DCUN1D4: variants seen among roughly 807,000 people sequenced by gnomAD.
DCUN1D4 encodes DCN1-like protein 4.
A neutral mutation model predicts 47.9 loss-of-function variants in DCUN1D4; 22 were observed. The observed-to-expected ratio is 0.46, with a 90% CI of 0.33 to 0.66. DCUN1D4 has a LOEUF of 0.66. DCUN1D4 is among the 30% of genes least tolerant of loss of function. The pLI, the probability that DCUN1D4 is intolerant of heterozygous loss-of-function variation, is 0.02. For missense variants in DCUN1D4, 301 were observed against 340.8 expected (o/e 0.88, Z 0.92); for synonymous variants, 121 against 112.2 (o/e 1.08, Z -0.50).
chr4:51,848,359 C>A, intron 1 of DCUN1D4: 1 of 1,258,842 alleles, frequency 7.9e-7, no homozygotes, highest in Non-Finnish European at 1.0e-6. Flanking sequence ...GTTAAGGCAG[C>A]ATTAACAGGT....
At chr4:51,903,191 A>G (rs1732377918) in intron 8 of DCUN1D4, among the ~76,000 whole-genome samples, 1 of 151,962 alleles carries the variant, frequency 6.6e-6, no homozygotes, top group African/African-American at 2.4e-5. Flanking sequence ...CTGCCTAAAA[A>G]ACTTTCTTTA....
At chr4:51,877,893 G>A (rs1386520452) in intron 5 of DCUN1D4, 39 bp downstream of exon 5, 2 of 1,312,610 alleles carry the variant, frequency 1.5e-6, no homozygotes. Flanking sequence ...TGATCCTTAT[G>A]ACAATAAGGA....
At chr4:51,841,734 A>C (rs1721666990), upstream of DCUN1D4, among the ~76,000 whole-genome samples, 1 of 152,104 alleles carries the variant, frequency 6.6e-6, no homozygotes, top group African/African-American at 2.4e-5. Context: ...GGTTTGTCTG[A>C]GCCCCTTCCA....
intron 1 of DCUN1D4, 28 bp downstream of exon 1, chr4:51,843,295 C>A: frequency 6.6e-7 from 1 of 1,513,560 alleles, no homozygotes; most frequent in East Asian, 2.7e-5. Context: ...AGCCAGCGGG[C>A]CGGGGCCGGG....
At chr4:51,897,553 A>G (rs1560508641) in intron 7 of DCUN1D4, among the ~76,000 whole-genome samples, 2 of 152,078 alleles carry the variant, frequency 1.3e-5, no homozygotes, top group Non-Finnish European at 2.9e-5. Flanking sequence ...TAAGGGCTAG[A>G]TATTGCAAAC....
chr4:51,844,444 C>A, intron 1 of DCUN1D4: 1 of 977,108 alleles, frequency 1.0e-6, no homozygotes. Context: ...GGAGGCGGGG[C>A]AGGGGTGCGG....
intron 5 of DCUN1D4, among the ~76,000 whole-genome samples, chr4:51,885,574 G>T (rs1729348002): frequency 6.6e-6 from 1 of 152,176 alleles, no homozygotes; most frequent in African/African-American, 2.4e-5. Flanking sequence ...TAAACAGGAG[G>T]TGGAGCAGCT....
chr4:51,905,143 G>A (rs147541644), intron 8 of DCUN1D4: 22 of 451,136 alleles, frequency 4.9e-5, no homozygotes, highest in African/African-American at 4.0e-4. Context: ...CTATAAAGTT[G>A]TGTTATTTTT....
intron 8 of DCUN1D4, chr4:51,905,075 G>A (rs1732673184): frequency 2.1e-5 from 8 of 377,154 alleles, no homozygotes; most frequent in Admixed American, 2.1e-4. Context: ...AGCCCCAAGG[G>A]GCTGATCATT....
At chr4:51,872,943 A>T (rs181145166) in intron 3 of DCUN1D4, among the ~76,000 whole-genome samples, 8 of 152,218 alleles carry the variant, frequency 5.3e-5, no homozygotes, top group African/African-American at 1.9e-4. Flanking sequence ...CCCGAACACA[A>T]CACTTGGCAC....
upstream of DCUN1D4, chr4:51,842,948 C>A (rs1363603923): frequency 4.6e-6 from 4 of 863,022 alleles, no homozygotes; most frequent in African/African-American, 5.3e-5. Flanking sequence ...CGGAGCATGG[C>A]CTCCGCCAGG....
intron 3 of DCUN1D4, among the ~76,000 whole-genome samples, chr4:51,872,906 G>A (rs1281339245): frequency 5.9e-5 from 9 of 152,204 alleles, no homozygotes; most frequent in South Asian, 4.1e-4. Context: ...GATGCTGCTC[G>A]GAACCAATGT....
chr4:51,899,562 T>C (rs962261715), intron 8 of DCUN1D4, among the ~76,000 whole-genome samples, 184 bp downstream of exon 8: 8 of 152,192 alleles, frequency 5.3e-5, no homozygotes, highest in African/African-American at 1.9e-4. Flanking sequence ...GGTCAAACAT[T>C]CTGTAGGTCA....
At chr4:51,856,882 AG>A (rs1180469112) in intron 1 of DCUN1D4, among the ~76,000 whole-genome samples, 1 of 152,350 alleles carries the variant, frequency 6.6e-6, no homozygotes, top group East Asian at 1.9e-4. Context: ...CCTCTTTGGA[AG>A]CTGTCTCAGA....
At chr4:51,878,600 A>G (rs1728047725) in intron 5 of DCUN1D4, among the ~76,000 whole-genome samples, 1 of 152,100 alleles carries the variant, frequency 6.6e-6, no homozygotes, top group Admixed American at 6.5e-5. Flanking sequence ...TCATACATAC[A>G]TTCCTGAACA....
upstream of DCUN1D4, among the ~76,000 whole-genome samples, chr4:51,840,760 TG>T (rs1721608579): frequency 6.6e-6 from 1 of 152,240 alleles, no homozygotes; most frequent in African/African-American, 2.4e-5. Context: ...ATTATTTAAA[TG>T]ACCAGGTAAT....
At chr4:51,849,241 T>C (rs1290833388) in intron 1 of DCUN1D4, among the ~76,000 whole-genome samples, 7 of 152,164 alleles carry the variant, frequency 4.6e-5, no homozygotes, top group Admixed American at 2.6e-4. Flanking sequence ...GAGTAGCCCA[T>C]GTGGCCATTT....
intron 8 of DCUN1D4, chr4:51,905,229 C>CATCTG (rs1732695241): frequency 4.4e-6 from 2 of 455,120 alleles, no homozygotes; most frequent in Admixed American, 2.3e-5. Context: ...CCTCAGAAGT[C>CATCTG]ATCTGGTCCA....
intron 1 of DCUN1D4, chr4:51,860,731 C>G: frequency 2.3e-6 from 1 of 433,954 alleles, no homozygotes; most frequent in Non-Finnish European, 4.6e-6. Context: ...GTCTCAAAGA[C>G]AGCACTAAGC....
Sources: gnomAD v4.1 joint callset for allele counts (sites outside exome capture counted in the v4.1 genomes callset) on GRCh38, gnomAD v4.1.1 for gene constraint, MANE v1.5 for transcripts, NCBI Gene and HGNC (gene_info 2026-07-23, HGNC 2026-07-21) for gene names.